CNDP1: variants seen among roughly 807,000 people sequenced by gnomAD.
CNDP1 encodes the protein beta-Ala-His dipeptidase.
A neutral mutation model predicts 58.1 loss-of-function variants in CNDP1; 44 were observed. That is an observed-to-expected ratio of 0.76 (90% CI 0.60 to 0.97). The LOEUF is 0.97. Ranked by LOEUF, CNDP1 falls within the 50% of genes least tolerant of loss-of-function variation. The pLI, the probability that CNDP1 is intolerant of heterozygous loss-of-function variation, is 0.00. For missense variants in CNDP1, 616 were observed against 655.1 expected, an observed-to-expected ratio of 0.94 and a Z score of 0.65; for synonymous variants, 254 against 252.6, an observed-to-expected ratio of 1.01 and a Z score of -0.05.
At chr18:74,540,220 C>T (rs1342380033) in intron 1 of CNDP1, among the ~76,000 whole-genome samples, 4 of 150,082 alleles carry the variant, frequency 2.7e-5, no homozygotes, top group Non-Finnish European at 4.4e-5. Context: ...TGCAATGGCG[C>T]GATCTCAGCT....
intron 1 of CNDP1, among the ~76,000 whole-genome samples, chr18:74,536,389 T>C (rs1195797426): frequency 2.0e-5 from 3 of 152,222 alleles, no homozygotes. Flanking sequence ...GAACATGCAG[T>C]GTCTGGTTTT....
intron 5 of CNDP1, 33 bp from the exon 6 acceptor site, chr18:74,567,200 C>A (rs750129784): frequency 1.3e-6 from 2 of 1,575,164 alleles, no homozygotes; most frequent in South Asian, 2.2e-5. Flanking sequence ...CATCAGGCAA[C>A]TTGTGCAATT....
intron 1 of CNDP1, among the ~76,000 whole-genome samples, chr18:74,538,444 G>C (rs1318938413): frequency 6.6e-6 from 1 of 152,154 alleles, no homozygotes; most frequent in Non-Finnish European, 1.5e-5. Context: ...TTTGTTGGTG[G>C]ACATGTGGGT....
At chr18:74,556,123 T>C (rs941285123) in intron 1 of CNDP1, among the ~76,000 whole-genome samples, 11 of 152,244 alleles carry the variant, frequency 7.2e-5, no homozygotes. Flanking sequence ...AACTTGGTTT[T>C]TGTCTTATTA....
Position 74,570,556 on chromosome 18 carries a change from C to T in CNDP1, c.757-630C>T, listed in dbSNP as rs114917667. Among the ~76,000 whole-genome samples, 925 of 152,274 alleles carry T rather than the reference C, an allele frequency of 6.1e-3. 10 individuals carry two copies. Among genetic ancestry groups the T allele is most frequent in the African/African-American group, 0.021 (890 of 41,558 alleles). On this transcript the variant is annotated intron_variant, in intron 6 of 11. Transcript: ENST00000358821. ...CCAGCTGGAAGCAGTCTTTATTGAT[C>T]AGGCAGAACATCTAGTCCCTGTTGG...
rs776131417 is a variant in CNDP1 at position 74,576,993 on chromosome 18, T to C, written c.966T>C (p.Asn322=). 1 of 1,613,170 alleles carries C rather than the reference T, an allele frequency of 6.2e-7. No homozygotes were observed. Among genetic ancestry groups the C allele is most frequent in the Non-Finnish European group, 8.5e-7 (1 of 1,179,616 alleles). Residue 322 remains asparagine (N), a synonymous_variant, in exon 8 of 12, where the codon AAT becomes AAC. Transcript: ENST00000358821. ...ATCTAGACCTAGAAGAATACCGGAA[T>C]AGCAGCCGGGTTGAGAAATTTCTGT... ...AIHLDLEEYR[N]SSRVEKFLFD... is the part of the protein sequence containing the mutation.
At chr18:74,571,342 T>G in intron 7 of CNDP1, 72 bp downstream of exon 7, 1 of 1,046,090 alleles carries the variant, frequency 9.6e-7, no homozygotes, top group Non-Finnish European at 1.5e-6. Flanking sequence ...TGATTTTATG[T>G]GCCTCTCCTT....
At chr18:74,579,339 T>G (rs977331954) in intron 9 of CNDP1, among the ~76,000 whole-genome samples, 1 of 13,214 alleles carries the variant, frequency 7.6e-5, no homozygotes, top group Non-Finnish European at 1.5e-4. Flanking sequence ...CTCCATCCCC[T>G]CCCCCTCCCC....
intron 1 of CNDP1, among the ~76,000 whole-genome samples, chr18:74,546,290 G>C (rs954576533): frequency 2.0e-5 from 3 of 152,110 alleles, no homozygotes; most frequent in African/African-American, 7.2e-5. Flanking sequence ...GTCTGAAGGC[G>C]CATTGTTCCC....
At chr18:74,567,602 T>C (rs76713487) in intron 6 of CNDP1, among the ~76,000 whole-genome samples, 169 bp downstream of exon 6, 1 of 151,910 alleles carries the variant, frequency 6.6e-6, no homozygotes, top group Admixed American at 6.6e-5. Context: ...GGTCTTGGGG[T>C]TTGGGGAGGT....
At chr18:74,568,642 T>G (rs73973906) in intron 6 of CNDP1, among the ~76,000 whole-genome samples, 1,693 of 152,078 alleles carry the variant, frequency 0.011, 36 homozygotes, top group African/African-American at 0.039. Context: ...TGTGAGGGCT[T>G]TGGGTAGGTA....
chr18:74,537,393 T>C (rs1980510475), intron 1 of CNDP1, among the ~76,000 whole-genome samples: 1 of 152,264 alleles, frequency 6.6e-6, no homozygotes. Flanking sequence ...ATTTATTGAA[T>C]AGGGAGTCCT....
intron 4 of CNDP1, among the ~76,000 whole-genome samples, chr18:74,561,228 A>C (rs757337027): frequency 1.3e-5 from 2 of 152,124 alleles, no homozygotes; most frequent in African/African-American, 2.4e-5. Context: ...CAGCCTGGCC[A>C]ACATGGCAAA....
chr18:74,546,362 C>T (rs1007529421), intron 1 of CNDP1, among the ~76,000 whole-genome samples: 1 of 152,202 alleles, frequency 6.6e-6, no homozygotes, highest in African/African-American at 2.4e-5. Context: ...ACCGCCTACC[C>T]ACGAGGACCC....
chr18:74,545,228 T>C lies in CNDP1; in HGVS notation c.24+10537T>C, dbSNP rs983465360. On this transcript the variant is annotated intron_variant, in intron 1 of 11. Coordinates refer to ENST00000358821, the MANE Select transcript of CNDP1 (RefSeq NM_032649.6). This position sits in a 1 kb window ranked among gnomAD's most constrained non-coding sequence, Gnocchi z 4.1. ...AGACCGATGGGAAAGCCCCGCCCTC[T>C]CCTCGAATCTGCCTTGTTCTCGACT... 6.6e-6 allele frequency among the ~76,000 whole-genome samples: 1 copy of C among 152,204 alleles called. No homozygotes were observed. The highest frequency in any genetic ancestry group is 2.4e-5 in the African/African-American group (1 of 41,452).
chr18:74,583,495 C>G (rs549906131), intron 10 of CNDP1, 66 bp from the exon 11 acceptor site: 2 of 1,382,272 alleles, frequency 1.4e-6, no homozygotes, highest in Admixed American at 3.5e-5. Flanking sequence ...AGGCACTGAC[C>G]TTGAGGAGCT....
chr18:74,544,339 G>A (rs1438665477), intron 1 of CNDP1, among the ~76,000 whole-genome samples: 2 of 152,178 alleles, frequency 1.3e-5, no homozygotes, highest in African/African-American at 4.8e-5. Context: ...GGAAAGAAGA[G>A]AAACAAAGTC....
At chr18:74,535,580 C>CTTTT (rs10685765) in intron 1 of CNDP1, among the ~76,000 whole-genome samples, 35 of 106,384 alleles carry the variant, frequency 3.3e-4, no homozygotes, top group Non-Finnish European at 4.7e-4. Context: ...CCATTGCTGA[C>CTTTT]TTTTTTTTTT....
chr18:74,584,669 T>C lies in CNDP1; in HGVS notation c.*107T>C, dbSNP rs1981868282. The C allele has an allele frequency of 1.2e-6, 1 of 805,368 alleles. No individual in the cohort carries two copies. Among genetic ancestry groups the C allele is most frequent in the Admixed American group, 2.2e-5 (1 of 46,066 alleles). The allele number at this position is 805,368 out of a possible 1,614,324, so 49.9% of individuals were successfully genotyped here. The stretch of plus-strand genomic sequence containing the variant: ...TCCAGAGAATTTGGGTCTAGTATAG[T>C]ACATTTTCCCTTCCATTTAAAATGT... On this transcript the variant is annotated 3_prime_UTR_variant, in exon 12 of 12. Coordinates refer to ENST00000358821, the MANE Select transcript of CNDP1 (RefSeq NM_032649.6).
Sources: gnomAD v4.1 joint callset for allele counts (sites outside exome capture counted in the v4.1 genomes callset) on GRCh38, gnomAD v4.1.1 for gene constraint, Gnocchi (gnomAD v3.1) non-coding constraint, MANE v1.5 for transcripts, NCBI Gene and HGNC (gene_info 2026-07-23, HGNC 2026-07-21) for gene names.